PLXNB1: variants seen among roughly 807,000 people sequenced by gnomAD.
PLXNB1 encodes the protein plexin B1.
PLXNB1 carries 106 observed loss-of-function variants against 209.4 expected under a neutral mutation model. The ratio of observed to expected loss-of-function variants is 0.51; its 90% confidence interval spans 0.43 to 0.59. The LOEUF (loss-of-function observed/expected upper bound fraction) is 0.59, where lower values mean the gene tolerates loss of function less well. PLXNB1 is among the 20% of genes least tolerant of loss of function. The pLI, the probability that PLXNB1 is intolerant of heterozygous loss-of-function variation, is 0.00. For missense variants in PLXNB1, 2,357 were observed against 2,853.2 expected (o/e 0.83, Z 3.96); for synonymous variants, 1,167 against 1,183.2 (o/e 0.99, Z 0.28).
At position 48,413,308 on chromosome 3, in the gene PLXNB1, G is replaced by T; in HGVS notation, c.4536-139C>A. On this transcript the variant is annotated intron_variant, in intron 23 of 37. Transcript: ENST00000296440. This position sits in a 1 kb window ranked among gnomAD's most constrained non-coding sequence, Gnocchi z 5.4. ...GCCAGCCAAGCTCAAGCCTAGCCCAGTACGATTCAGCCTGTCCCGTCCCAA... is the reference window on the plus strand; with the variant it reads ...GCCAGCCAAGCTCAAGCCTAGCCCATTACGATTCAGCCTGTCCCGTCCCAA... 1.4e-6 allele frequency: 1 copy of T among 705,800 alleles called. No individual in the cohort carries two copies. The highest frequency in any genetic ancestry group is 2.5e-6 in the Non-Finnish European group (1 of 405,726). 43.7% of individuals were successfully genotyped at this position (705,800 alleles called of 1,614,324 possible). A position where few individuals can be genotyped will look rare whatever the true frequency, so the allele number is the denominator to read the frequency against.
Position 48,406,682 on chromosome 3 carries a change from G to A in PLXNB1, c.6228+141C>T. On this transcript the variant is annotated intron_variant, in intron 36 of 37. Coordinates refer to ENST00000296440, the MANE Select transcript of PLXNB1 (RefSeq NM_001130082.3). The surrounding 1 kb of genome is among the most constrained non-coding windows in gnomAD (Gnocchi z 4.4). Reference sequence around the variant, plus strand: ...CTTTCAGTGGCAGTTGGAACATTCTGCATTTATGTTTCCTGCCCCAACCAG... The same window carrying A: ...CTTTCAGTGGCAGTTGGAACATTCTACATTTATGTTTCCTGCCCCAACCAG... 7.0e-7 allele frequency: 1 copy of A among 1,437,094 alleles called. No homozygotes were observed. 89.0% of individuals were successfully genotyped at this position (1,437,094 alleles called of 1,614,324 possible).
intron 10 of PLXNB1, 79 bp downstream of exon 10, chr3:48,420,586 A>C (rs2038442455): frequency 1.7e-6 from 2 of 1,164,204 alleles, no homozygotes; most frequent in Non-Finnish European, 2.6e-6. Context: ...ATAGGCAGAC[A>C]GACCCCGGGC....
chr3:48,418,895 C>A lies in PLXNB1; in HGVS notation c.2955+22G>T, dbSNP rs931270935. Reference sequence around the variant, plus strand: ...GGCCAGTGCAGTGCACCCGTGCCCACCCAGGCGCTCATGGTGTGCACCTGG... The same window carrying A: ...GGCCAGTGCAGTGCACCCGTGCCCAACCAGGCGCTCATGGTGTGCACCTGG... On this transcript the variant is annotated intron_variant, in intron 13 of 37. Transcript: ENST00000296440. This position sits in a 1 kb window ranked among gnomAD's most constrained non-coding sequence, Gnocchi z 6.6. 3.1e-6 allele frequency: 5 copies of A among 1,613,416 alleles called. No individual in the cohort carries two copies. Among genetic ancestry groups the A allele is most frequent in the Non-Finnish European group, 4.2e-6 (5 of 1,179,854 alleles).
Position 48,422,765 on chromosome 3 carries a change from C to T in PLXNB1, c.1290G>A (p.Arg430=). 6.2e-7 allele frequency: 1 copy of T among 1,613,254 alleles called. No homozygotes were observed. Among genetic ancestry groups the T allele is most frequent in the Non-Finnish European group, 8.5e-7 (1 of 1,179,504 alleles). The part of the protein sequence containing the change: ...FLGDSQGQLH[R]VYLGPGSDGH... ...GGGCCAGTACTTCCTGTGGGCTCAC[C>T]CTGTGCAGCTGCCCTTGACTATCAC... The change falls in exon 4 of 38, where the codon AGG becomes AGA. Residue 430 remains arginine (R), a splice_region_variant and synonymous_variant. Transcript: ENST00000296440.
intron 1 of PLXNB1, among the ~76,000 whole-genome samples, chr3:48,427,938 G>A (rs1398881655): frequency 6.6e-6 from 1 of 152,194 alleles, no homozygotes; most frequent in Admixed American, 6.5e-5. Context: ...GGATTGCTCT[G>A]ACCAGTAAAC....
Position 48,419,152 on chromosome 3 carries a change from G to C in PLXNB1, c.2832+92C>G. On this transcript the variant is annotated intron_variant, in intron 12 of 37. Coordinates refer to ENST00000296440, the MANE Select transcript of PLXNB1 (RefSeq NM_001130082.3). The surrounding 1 kb of genome is among the most constrained non-coding windows in gnomAD (Gnocchi z 5.7). The stretch of plus-strand genomic sequence containing the variant: ...CTTCTGGGTTGGAGTTGAGCCCTCG[G>C]ACTCTGCCCTCCTCCTGCTCCCCAG... 6.4e-7 allele frequency: 1 copy of C among 1,560,014 alleles called. No homozygotes were observed. Among genetic ancestry groups the C allele is most frequent in the Non-Finnish European group, 8.7e-7 (1 of 1,147,526 alleles).
chr3:48,425,945 C>T (rs1476552291), intron 1 of PLXNB1, among the ~76,000 whole-genome samples: 3 of 152,236 alleles, frequency 2.0e-5, no homozygotes, highest in East Asian at 3.9e-4. Flanking sequence ...AGAGACAACT[C>T]CCCCACACAG....
Position 48,410,463 on chromosome 3 carries a change from G to A in PLXNB1, c.5512C>T (p.His1838Tyr). 3 of 1,613,552 alleles carry A rather than the reference G, an allele frequency of 1.9e-6. No individual in the cohort carries two copies. Among genetic ancestry groups the A allele is most frequent in the Non-Finnish European group, 2.5e-6 (3 of 1,179,566 alleles). ...GCTCCCACTCCTCCTACCTTGTAAT[G>A]CTGCAGTGTGTTCAGGCGCCTCCAC... is the stretch of plus-strand genomic sequence containing the variant. Reference protein sequence around the residue: ...GLWRRLNTLQHYKVPDGATVA... With the variant: ...GLWRRLNTLQYYKVPDGATVA... Residue 1838 changes from histidine to tyrosine, a missense_variant, in exon 30 of 38, where the codon CAT becomes TAT. By Grantham distance (83) the His-to-Tyr change is moderately conservative. Around this residue, in one of 7 missense-constraint regions of PLXNB1, gnomAD observed 414 missense variants for 520.5 expected, o/e 0.80. Coordinates refer to ENST00000296440, the MANE Select transcript of PLXNB1 (RefSeq NM_001130082.3). This position sits in a 1 kb window ranked among gnomAD's most constrained non-coding sequence, Gnocchi z 6.4.
rs2038335121 is a variant in PLXNB1 at position 48,419,416 on chromosome 3, C to T, written c.2710-50G>A. 6.6e-7 allele frequency: 1 copy of T among 1,521,542 alleles called. No individual in the cohort carries two copies. 94.3% of individuals were successfully genotyped at this position (1,521,542 alleles called of 1,614,324 possible). ...TCTATGGAGCCCACCCTGCCCAGCT[C>T]AGCCCTCTGCCTTGCCAGATTCCAG... On this transcript the variant is annotated intron_variant, in intron 11 of 37. Coordinates refer to ENST00000296440, the MANE Select transcript of PLXNB1 (RefSeq NM_001130082.3). This position sits in a 1 kb window ranked among gnomAD's most constrained non-coding sequence, Gnocchi z 5.7.
At chr3:48,424,764 G>A in intron 2 of PLXNB1, 147 bp from the exon 3 acceptor site, 1 of 789,198 alleles carries the variant, frequency 1.3e-6, no homozygotes, top group South Asian at 1.8e-5. Flanking sequence ...TCTTAGATAG[G>A]CACTATGTCC....
chr3:48,405,455 T>C lies in PLXNB1; in HGVS notation c.6303+269A>G, dbSNP rs1404496487. Among the ~76,000 whole-genome samples the C allele has an allele frequency of 6.6e-6, 1 of 152,156 alleles. No homozygotes were observed. The highest frequency in any genetic ancestry group is 6.5e-5 in the Admixed American group (1 of 15,286). ...AATGCACACCATCTCCAGGCCCTGG[T>C]AGACCCCTTGGCCCCCACAACCACC... On this transcript the variant is annotated intron_variant, in intron 37 of 37. Coordinates refer to ENST00000296440, the MANE Select transcript of PLXNB1 (RefSeq NM_001130082.3). This position sits in a 1 kb window ranked among gnomAD's most constrained non-coding sequence, Gnocchi z 5.0.
chr3:48,414,780 G>A lies in PLXNB1; in HGVS notation c.4209+19C>T, dbSNP rs747934447. ...GGGAAGGGTCTCGGGGCCCTGCCAG[G>A]TCCAAGTAGGAGCTGTACCTCCACG... On this transcript the variant is annotated intron_variant, in intron 21 of 37. Coordinates refer to ENST00000296440, the MANE Select transcript of PLXNB1 (RefSeq NM_001130082.3). 17 of 1,609,086 alleles carry A rather than the reference G, an allele frequency of 1.1e-5. No homozygotes were observed. The highest frequency in any genetic ancestry group is 1.4e-5 in the Non-Finnish European group (16 of 1,176,502).
chr3:48,423,040 T>A, intron 3 of PLXNB1, 93 bp from the exon 4 acceptor site: 4 of 1,077,366 alleles, frequency 3.7e-6, no homozygotes, highest in Non-Finnish European at 5.5e-6. Flanking sequence ...CCCCAGCCGC[T>A]CTGGTAGCTC....
In PLXNB1 at chr3:48,417,673, C is replaced by G. The variant is rs2038188849; in HGVS notation, c.3374+238G>C. Among the ~76,000 whole-genome samples the G allele has an allele frequency of 1.3e-5, 2 of 152,194 alleles. No individual in the cohort carries two copies. The highest frequency in any genetic ancestry group is 1.3e-4 in the Admixed American group (2 of 15,282). On this transcript the variant is annotated intron_variant, in intron 16 of 37. Transcript: ENST00000296440. This position sits in a 1 kb window ranked among gnomAD's most constrained non-coding sequence, Gnocchi z 4.4. The stretch of plus-strand genomic sequence containing the variant: ...CAGAGCAGGAAGCAGAGCCACGAGT[C>G]AGTTCTGGGCAGTGACGGGCCCAGG...
chr3:48,414,123 G>A lies in PLXNB1; in HGVS notation c.4210-52C>T, dbSNP rs757671935. ...ACTCAGGACCCTTCCCTCAGATCCT[G>A]TCCTCCCCAAATGTGGGAAGGACCC... On this transcript the variant is annotated intron_variant, in intron 21 of 37. Transcript: ENST00000296440. The A allele has an allele frequency of 2.5e-6, 4 of 1,580,180 alleles. No homozygotes were observed. The South Asian group carries it at 3.3e-5, about 13-fold the overall frequency.
At position 48,417,639 on chromosome 3, in the gene PLXNB1, C is replaced by T. The variant is rs2106873774; in HGVS notation, c.3374+272G>A. ...AATATATCCACAGTCCCTCAGAAGA[C>T]CAGGTGAGCAGAGCAGGAAGCAGAG... On this transcript the variant is annotated intron_variant, in intron 16 of 37. Coordinates refer to ENST00000296440, the MANE Select transcript of PLXNB1 (RefSeq NM_001130082.3). The surrounding 1 kb of genome is among the most constrained non-coding windows in gnomAD (Gnocchi z 4.4). Among the ~76,000 whole-genome samples the T allele has an allele frequency of 6.6e-6, 1 of 152,268 alleles. No homozygotes were observed. The highest frequency in any genetic ancestry group is 1.9e-4 in the East Asian group (1 of 5,184).
Position 48,413,596 on chromosome 3 carries a change from G to T in PLXNB1, c.4535+74C>A. The T allele has an allele frequency of 6.9e-7, 1 of 1,442,162 alleles. No individual in the cohort carries two copies. The highest frequency in any genetic ancestry group is 9.4e-7 in the Non-Finnish European group (1 of 1,067,262). 89.3% of individuals were successfully genotyped at this position (1,442,162 alleles called of 1,614,324 possible). A position where few individuals can be genotyped will look rare whatever the true frequency, so the allele number is the denominator to read the frequency against. ...TACAGAGAATGTTTCCTGACTCCTG[G>T]CCCGGTCTGTCCCTTCCCAGTCCAG... On this transcript the variant is annotated intron_variant, in intron 23 of 37. Coordinates refer to ENST00000296440, the MANE Select transcript of PLXNB1 (RefSeq NM_001130082.3). The surrounding 1 kb of genome is among the most constrained non-coding windows in gnomAD (Gnocchi z 5.4).
chr3:48,410,579 T>G lies in PLXNB1; in HGVS notation c.5417-21A>C, dbSNP rs2037614146. On this transcript the variant is annotated intron_variant, in intron 29 of 37. Coordinates refer to ENST00000296440, the MANE Select transcript of PLXNB1 (RefSeq NM_001130082.3). This position sits in a 1 kb window ranked among gnomAD's most constrained non-coding sequence, Gnocchi z 6.4. ...CCACTCTGCAAGGGCAAGGCAGAAC[T>G]GGGTGCAGGGCTGGAAGATACCCTT... 6.3e-7 allele frequency: 1 copy of G among 1,593,178 alleles called. No homozygotes were observed. Among genetic ancestry groups the G allele is most frequent in the African/African-American group, 1.3e-5 (1 of 74,622 alleles).
Position 48,417,586 on chromosome 3 carries a change from A to C in PLXNB1, c.3374+325T>G, listed in dbSNP as rs2038184235. Among the ~76,000 whole-genome samples the C allele has an allele frequency of 6.6e-6, 1 of 152,104 alleles. No homozygotes were observed. Among genetic ancestry groups the C allele is most frequent in the Non-Finnish European group, 1.5e-5 (1 of 68,020 alleles). On this transcript the variant is annotated intron_variant, in intron 16 of 37. Coordinates refer to ENST00000296440, the MANE Select transcript of PLXNB1 (RefSeq NM_001130082.3). This position sits in a 1 kb window ranked among gnomAD's most constrained non-coding sequence, Gnocchi z 4.4. Reference sequence around the variant, plus strand: ...GCCAGCCCCTGAGCTTATCTGTCTGATCTGAGGGTCCTGCTGCCACAGCTA... The same window carrying C: ...GCCAGCCCCTGAGCTTATCTGTCTGCTCTGAGGGTCCTGCTGCCACAGCTA...
Sources: allele counts gnomAD v4.1 joint callset (sites outside exome capture counted in the v4.1 genomes callset), GRCh38; gene constraint gnomAD v4.1.1; regional missense constraint gnomAD v4.1.1; non-coding constraint Gnocchi (gnomAD v3.1); transcripts MANE v1.5; gene names NCBI Gene and HGNC (gene_info 2026-07-23, HGNC 2026-07-21).